The following SEZ6L variants were observed in gnomAD, a reference collection of about 807,000 sequenced individuals.
SEZ6L encodes seizure related 6 homolog like, also known as seizure 6-like protein.
SEZ6L carries 37 observed loss-of-function variants against 106.2 expected under a neutral mutation model. The ratio of observed to expected loss-of-function variants is 0.35; its 90% CI spans 0.27 to 0.46. The LOEUF is 0.46. SEZ6L is among the 20% of genes least tolerant of loss of function. The pLI is 1.00. For missense variants in SEZ6L, 1,172 were observed against 1,332.8 expected, an observed-to-expected ratio of 0.88 and a Z score of 1.88; for synonymous variants, 541 against 570.4, an observed-to-expected ratio of 0.95 and a Z score of 0.73.
intron 7 of SEZ6L, 59 bp downstream of exon 7, chr22:26,310,895 G>T (rs919079346): frequency 2.6e-6 from 4 of 1,534,814 alleles, no homozygotes; most frequent in Non-Finnish European, 3.6e-6. Flanking sequence ...CTGGGAGCAG[G>T]GAAAGCATGG....
chr22:26,376,467 C>T (rs904695488), intron 15 of SEZ6L, among the ~76,000 whole-genome samples: 2 of 152,206 alleles, frequency 1.3e-5, no homozygotes, highest in East Asian at 1.9e-4. Flanking sequence ...GCAGTCCAGG[C>T]GTGGTGGCTC....
chr22:26,307,207 C>T (rs2081658675), intron 6 of SEZ6L, among the ~76,000 whole-genome samples: 1 of 152,144 alleles, frequency 6.6e-6, no homozygotes, highest in South Asian at 2.1e-4. Context: ...TGATGAGGAG[C>T]ACTAACTATC....
chr22:26,325,121 C>T (rs1026459339), intron 9 of SEZ6L, among the ~76,000 whole-genome samples: 1 of 152,110 alleles, frequency 6.6e-6, no homozygotes, highest in Admixed American at 6.6e-5. Context: ...GGTGATTGGC[C>T]AGAGTTTCAA....
intron 1 of SEZ6L, among the ~76,000 whole-genome samples, chr22:26,182,624 G>T (rs1220880869): frequency 6.6e-6 from 1 of 152,002 alleles, no homozygotes; most frequent in African/African-American, 2.4e-5. Flanking sequence ...GGGCCCTGGT[G>T]TATAATAACC....
At chr22:26,286,997 C>T (rs1212628526) in intron 1 of SEZ6L, among the ~76,000 whole-genome samples, 1 of 151,806 alleles carries the variant, frequency 6.6e-6, no homozygotes, top group African/African-American at 2.4e-5. Context: ...ATCTGCCCAC[C>T]TCAGCCTCCC....
intron 11 of SEZ6L, among the ~76,000 whole-genome samples, chr22:26,348,646 AAAAGAAAG>A (rs768075015): frequency 0.035 from 265 of 7,636 alleles, 9 homozygotes; most frequent in Middle Eastern, 0.2. Flanking sequence ...GAAAGAAAGA[AAAAGAAAG>A]AAAGAAAGAA....
chr22:26,232,299 G>A (rs1334245892), intron 1 of SEZ6L, among the ~76,000 whole-genome samples: 1 of 149,892 alleles, frequency 6.7e-6, no homozygotes, highest in Non-Finnish European at 1.5e-5. Flanking sequence ...GAACTCTGAG[G>A]ACCCTCCTGC....
rs1396292922 is a variant in SEZ6L at position 26,340,521 on chromosome 22, A to G, written c.2101A>G (p.Ser701Gly). ...PHILGQYLGN[S>G]GPQKLYSSTP... ...CATCTTGGGGCAGTACCTTGGGAAC[A>G]GTGGCCCCCAGAAACTGTACTCCTC... Residue 701 changes from serine to glycine, a missense_variant, in exon 10 of 17, where the codon AGT (serine) becomes GGT (glycine). Physicochemically the swap from Ser to Gly is moderately conservative, Grantham distance 56 (BLOSUM62 0). Transcript: ENST00000248933. 2 of 1,614,188 alleles carry G rather than the reference A, an allele frequency of 1.2e-6. No individual in the cohort carries two copies. Among genetic ancestry groups the G allele is most frequent in the Admixed American group, 3.3e-5 (2 of 60,024 alleles).
At chr22:26,317,764 C>T (rs2082045847) in intron 9 of SEZ6L, among the ~76,000 whole-genome samples, 1 of 152,076 alleles carries the variant, frequency 6.6e-6, no homozygotes, top group Non-Finnish European at 1.5e-5. Context: ...TTTTCACAAT[C>T]GTAGATTGAG....
chr22:26,170,912 T>C (rs980455069), intron 1 of SEZ6L, among the ~76,000 whole-genome samples: 2 of 152,076 alleles, frequency 1.3e-5, no homozygotes, highest in African/African-American at 4.8e-5. Context: ...TGACTCGGAG[T>C]TGGGGGACAG....
At chr22:26,321,007 G>C (rs551690753) in intron 9 of SEZ6L, among the ~76,000 whole-genome samples, 1 of 152,234 alleles carries the variant, frequency 6.6e-6, no homozygotes. Flanking sequence ...GAAAGACAGA[G>C]AGAAGATGGG....
At chr22:26,289,532 G>T (rs950216619) in intron 1 of SEZ6L, among the ~76,000 whole-genome samples, 2 of 152,078 alleles carry the variant, frequency 1.3e-5, no homozygotes, top group African/African-American at 4.8e-5. Context: ...CCCCACCTTG[G>T]ACTAGGAAAT....
chr22:26,331,470 T>A (rs573330691), intron 9 of SEZ6L, among the ~76,000 whole-genome samples: 2 of 152,218 alleles, frequency 1.3e-5, no homozygotes, highest in African/African-American at 2.4e-5. Flanking sequence ...TACTTTCTTA[T>A]GTATCTTACA....
At chr22:26,351,452 C>G in intron 12 of SEZ6L, 1 of 488,786 alleles carries the variant, frequency 2.0e-6, no homozygotes, top group East Asian at 3.3e-5. Flanking sequence ...TGCTCTAAGT[C>G]TTCTACCAAA....
chr22:26,355,559 G>A (rs113434741), intron 12 of SEZ6L, among the ~76,000 whole-genome samples: 10,794 of 152,106 alleles, frequency 0.071, 1,346 homozygotes, highest in African/African-American at 0.25. Flanking sequence ...TGAAACCCCC[G>A]TCTCTACTAA....
intron 1 of SEZ6L, among the ~76,000 whole-genome samples, chr22:26,194,483 T>C (rs1386579860): frequency 6.6e-6 from 1 of 152,176 alleles, no homozygotes; most frequent in Non-Finnish European, 1.5e-5. Flanking sequence ...CTACAGTCAC[T>C]GGGTGGCAAG....
At chr22:26,306,902 G>A (rs2081649469) in intron 6 of SEZ6L, among the ~76,000 whole-genome samples, 1 of 152,196 alleles carries the variant, frequency 6.6e-6, no homozygotes, top group South Asian at 2.1e-4. Context: ...GACTTTAGCT[G>A]CTTTGACTTG....
At chr22:26,310,062 T>C (rs929722826) in intron 6 of SEZ6L, among the ~76,000 whole-genome samples, 6 of 152,214 alleles carry the variant, frequency 3.9e-5, no homozygotes, top group African/African-American at 1.4e-4. Flanking sequence ...TTCCAACTTC[T>C]CAGTTAATAA....
intron 1 of SEZ6L, among the ~76,000 whole-genome samples, chr22:26,275,630 C>G (rs1470770755): frequency 6.6e-6 from 1 of 152,214 alleles, no homozygotes; most frequent in Non-Finnish European, 1.5e-5. Context: ...AGAGCTTTCT[C>G]TGTCATACCA....
Sources: allele counts gnomAD v4.1 joint callset (sites outside exome capture counted in the v4.1 genomes callset), GRCh38; gene constraint gnomAD v4.1.1; transcripts MANE v1.5; gene names NCBI Gene and HGNC (gene_info 2026-07-23, HGNC 2026-07-21).